The following KLHL5 variants were observed in gnomAD, a reference collection of about 807,000 sequenced individuals.
The protein encoded by KLHL5 is kelch-like protein 5.
Under a neutral mutation model 77.7 loss-of-function variants are expected in KLHL5, and 48 were observed. The observed-to-expected ratio is 0.62, with a 90% CI of 0.49 to 0.79. The LOEUF (loss-of-function observed/expected upper bound fraction) is 0.79, where lower values mean the gene tolerates loss of function less well. Ranked by LOEUF, KLHL5 falls within the 30% of genes least tolerant of loss-of-function variation. The pLI is 0.00. For synonymous variants in KLHL5, 260 were observed against 297.0 expected (o/e 0.88, Z 1.28); for missense variants, 723 against 859.7 (o/e 0.84, Z 1.99).
downstream of KLHL5, among the ~76,000 whole-genome samples, chr4:39,131,337 TATC>T (rs1165379187): frequency 6.6e-6 from 1 of 152,210 alleles, no homozygotes; most frequent in Non-Finnish European, 1.5e-5. Flanking sequence ...GGCTGACAAA[TATC>T]ATATTTTTGT....
rs770567151 is a variant in KLHL5 at position 39,126,021 on chromosome 4, T to C, written c.*4955T>C. 1.3e-5 allele frequency among the ~76,000 whole-genome samples: 2 copies of C among 152,128 alleles called. No individual in the cohort carries two copies. Among genetic ancestry groups the C allele is most frequent in the African/African-American group, 4.8e-5 (2 of 41,412 alleles). ...TAACAGAAAGGCTCTTAAATCTTAATTTCAACCTAAGAAGGGAGTGAGAAA... is the reference window on the plus strand; with the variant it reads ...TAACAGAAAGGCTCTTAAATCTTAACTTCAACCTAAGAAGGGAGTGAGAAA... On this transcript the variant is annotated 3_prime_UTR_variant, in exon 11 of 11. Transcript: ENST00000504108.
rs2109632978 is a variant in KLHL5, at chr4:39,123,114, A to G, written c.*2048A>G. ...TTTATTCATAGAAGCATTGTTGCCA[A>G]CAATTTAGATGACCTCGATGAAAAA... On this transcript the variant is annotated 3_prime_UTR_variant, in exon 11 of 11. Coordinates refer to ENST00000504108, the MANE Select transcript of KLHL5 (RefSeq NM_015990.5). Among the ~76,000 whole-genome samples the G allele has an allele frequency of 6.6e-6, 1 of 152,344 alleles. No individual in the cohort carries two copies. The highest frequency in any genetic ancestry group is 2.1e-4 in the South Asian group (1 of 4,828).
At chr4:39,059,319 A>G (rs907486254), upstream of KLHL5, among the ~76,000 whole-genome samples, 2 of 152,178 alleles carry the variant, frequency 1.3e-5, no homozygotes, top group African/African-American at 4.8e-5. Flanking sequence ...AAAGGGGCCT[A>G]AATAGCCACT....
chr4:39,045,349 C>G (rs1252208436), intron 1 of KLHL5, among the ~76,000 whole-genome samples: 3 of 151,338 alleles, frequency 2.0e-5, no homozygotes, highest in African/African-American at 7.3e-5. Flanking sequence ...AGCGCCGGAG[C>G]CGGCGCCCGG....
intron 5 of KLHL5, among the ~76,000 whole-genome samples, chr4:39,091,298 A>T (rs1207697759): frequency 4.0e-5 from 6 of 151,286 alleles, no homozygotes; most frequent in Admixed American, 3.9e-4. Context: ...CGGTTTTTTA[A>T]ATTTTTTTGT....
intron 10 of KLHL5, chr4:39,116,413 G>A (rs1322696907): frequency 6.6e-6 from 1 of 152,206 alleles, no homozygotes; most frequent in Non-Finnish European, 1.5e-5. Context: ...AGATCTACAT[G>A]TGCAAGAGGA....
At position 39,103,357 on chromosome 4, in the gene KLHL5, G is replaced by A. The variant is rs749188637; in HGVS notation, c.1371G>A (p.Arg457=). The part of the protein sequence containing the change: ...MWTPVANMNG[R]RLQFGVAVLD... ...CTCCAGTAGCAAATATGAATGGGAG[G>A]AGGCTACAGTTCGGTGTTGCAGTGC... Residue 457 remains arginine (R), a synonymous_variant, in exon 7 of 11, where the codon AGG becomes AGA. Transcript: ENST00000504108. 1.2e-6 allele frequency: 2 copies of A among 1,614,088 alleles called. No homozygotes were observed. The highest frequency in any genetic ancestry group is 8.5e-7 in the Non-Finnish European group (1 of 1,180,004).
At chr4:39,142,951 G>A in the KLHL5 span, among the ~76,000 whole-genome samples, 1 of 152,070 alleles carries the variant, frequency 6.6e-6, no homozygotes, top group South Asian at 2.1e-4. Flanking sequence ...GATAGCTCTA[G>A]GGAGTCTTGT....
At chr4:39,058,621 A>AAT (rs1380321549), upstream of KLHL5, among the ~76,000 whole-genome samples, 1 of 152,050 alleles carries the variant, frequency 6.6e-6, no homozygotes, top group African/African-American at 2.4e-5. Flanking sequence ...TGTCTCAAAA[A>AAT]ATATATATAT....
chr4:39,065,003 G>A (rs1717761156), intron 1 of KLHL5, among the ~76,000 whole-genome samples: 1 of 152,008 alleles, frequency 6.6e-6, no homozygotes, highest in South Asian at 2.1e-4. Context: ...AATGTACTGT[G>A]AGAAAATGTT....
At chr4:39,113,288 A>C in intron 9 of KLHL5, 56 bp downstream of exon 9, 1 of 1,380,096 alleles carries the variant, frequency 7.2e-7, no homozygotes, top group Non-Finnish European at 1.0e-6. Context: ...AGTCTCTGAT[A>C]CTTACATATA....
chr4:39,139,752 C>T, the KLHL5 span, among the ~76,000 whole-genome samples: 6 of 152,312 alleles, frequency 3.9e-5, no homozygotes, highest in African/African-American at 1.2e-4. Context: ...AATGAGAGGA[C>T]GCAATAGTAT....
rs753087317 is a variant in KLHL5 at position 39,062,256 on chromosome 4, G to T, written c.-397G>T. Reference sequence around the variant, plus strand: ...TACTGCAACGGGGATAGTGTTTTCTGTCTCTGTCATTTGTGGTTTAAGAAA... The same window carrying T: ...TACTGCAACGGGGATAGTGTTTTCTTTCTCTGTCATTTGTGGTTTAAGAAA... On this transcript the variant is annotated 5_prime_UTR_variant, in exon 1 of 11. Coordinates refer to ENST00000504108, the MANE Select transcript of KLHL5 (RefSeq NM_015990.5). 2.0e-5 allele frequency: 26 copies of T among 1,289,400 alleles called. No homozygotes were observed. The highest frequency in any genetic ancestry group is 9.7e-5 in the South Asian group (5 of 51,376). The allele number at this position is 1,289,400 out of a possible 1,614,324, so 79.9% of individuals were successfully genotyped here. A position where few individuals can be genotyped will look rare whatever the true frequency, so the allele number is the denominator to read the frequency against.
At position 39,124,638 on chromosome 4, in the gene KLHL5, G is replaced by A. The variant is rs1262183867; in HGVS notation, c.*3572G>A. On this transcript the variant is annotated 3_prime_UTR_variant, in exon 11 of 11. Coordinates refer to ENST00000504108, the MANE Select transcript of KLHL5 (RefSeq NM_015990.5). ...CATGCAAAAGAATGAATTTGTACCT[G>A]TACTTCATACCATATATAAAAATTA... Among the ~76,000 whole-genome samples, 2 of 151,764 alleles carry A rather than the reference G, an allele frequency of 1.3e-5. No homozygotes were observed. Among genetic ancestry groups the A allele is most frequent in the African/African-American group, 4.8e-5 (2 of 41,298 alleles).
At chr4:39,089,420 A>C (rs754521862) in intron 5 of KLHL5, among the ~76,000 whole-genome samples, 33 of 152,184 alleles carry the variant, frequency 2.2e-4, no homozygotes, top group Non-Finnish European at 4.1e-4. Flanking sequence ...TTTAGAGTCT[A>C]AGGACTCTGA....
intron 1 of KLHL5, among the ~76,000 whole-genome samples, chr4:39,071,967 C>G (rs1718518988): frequency 6.6e-6 from 1 of 152,092 alleles, no homozygotes; most frequent in African/African-American, 2.4e-5. Context: ...TGTATTTCCT[C>G]TGTTGTTATG....
rs376826928 is a variant in KLHL5, at chr4:39,062,702, G to T, written c.50G>T (p.Arg17Ile). The T allele has an allele frequency of 6.2e-7, 1 of 1,614,142 alleles. No homozygotes were observed. Among genetic ancestry groups the T allele is most frequent in the African/African-American group, 1.3e-5 (1 of 75,046 alleles). ...EFDVKQILKI[R>I]WRWFGHQASS... Reference sequence around the variant, plus strand: ...GATGTGAAACAGATTTTGAAAATCAGATGGAGGTGGTTTGGTCATCAAGCA... The same window carrying T: ...GATGTGAAACAGATTTTGAAAATCATATGGAGGTGGTTTGGTCATCAAGCA... The change falls in exon 1 of 11, where the codon AGA becomes ATA. Residue 17 changes from arginine to isoleucine, a missense_variant. Arg to Ile is a moderately conservative substitution (Grantham distance 97). Coordinates refer to ENST00000504108, the MANE Select transcript of KLHL5 (RefSeq NM_015990.5).
intron 5 of KLHL5, among the ~76,000 whole-genome samples, chr4:39,090,449 GTT>G (rs746309553): frequency 6.4e-4 from 86 of 134,924 alleles, no homozygotes; most frequent in African/African-American, 1.8e-3. Flanking sequence ...TTTTTGTATG[GTT>G]TTTTTTTTTT....
At chr4:39,079,514 G>T (rs984758663) in intron 2 of KLHL5, among the ~76,000 whole-genome samples, 1 of 152,090 alleles carries the variant, frequency 6.6e-6, no homozygotes, top group Non-Finnish European at 1.5e-5. Context: ...CTGCCTGAAG[G>T]CTATTTCCAG....
Sources: allele counts gnomAD v4.1 joint callset (sites outside exome capture counted in the v4.1 genomes callset), GRCh38; gene constraint gnomAD v4.1.1; transcripts MANE v1.5; gene names NCBI Gene and HGNC (gene_info 2026-07-23, HGNC 2026-07-21).